RIF1: variants seen among roughly 807,000 people sequenced by gnomAD.
RIF1 encodes the protein telomere-associated protein RIF1.
A neutral mutation model predicts 247.1 loss-of-function variants in RIF1; 45 were observed. The observed-to-expected ratio is 0.18, with a 90% CI of 0.14 to 0.23. RIF1 has a LOEUF of 0.23. Among genes scored for constraint, RIF1 ranks in the 10% least tolerant of loss-of-function variants. The pLI is 1.00. For synonymous variants in RIF1, 1,087 were observed against 978.8 expected, an observed-to-expected ratio of 1.11 and a Z score of -2.06; for missense variants, 2,967 against 2,862.5, an observed-to-expected ratio of 1.04 and a Z score of -0.83.
At chr2:151,410,338 C>A in intron 1 of RIF1, 76 bp from the exon 2 acceptor site, 2 of 1,181,836 alleles carry the variant, frequency 1.7e-6, no homozygotes, top group Non-Finnish European at 2.5e-6. Context: ...GGTGTGAGGG[C>A]CGGACTCACA....
chr2:151,519,040 A>G, the RIF1 span: 3 of 1,613,472 alleles, frequency 1.9e-6, no homozygotes, highest in Non-Finnish European at 2.5e-6. Context: ...CGGGTTTGTG[A>G]AGTTTCTTCA....
the RIF1 span, chr2:151,529,316 T>G: frequency 6.3e-7 from 1 of 1,585,202 alleles, no homozygotes; most frequent in Non-Finnish European, 8.7e-7. Flanking sequence ...GTATTTCAGC[T>G]GTGGGAGGAA....
Position 151,465,134 on chromosome 2 carries a change from G to A in RIF1, c.5614G>A (p.Val1872Ile). Residue 1872 changes from valine to isoleucine, a missense_variant, in exon 30 of 36, where the codon GTT becomes ATT. This residue lies in a region of RIF1 where 2,028 missense variants were observed against 1,825.6 expected (regional missense o/e 1.11). Transcript: ENST00000444746. ...CCCGTGTTTAGGAGACTCGAAAAAT[G>A]TTTCACAGGAATCTTTGGAGACAAA... ...VGPCLGDSKN[V>I]SQESLETKEE... is the part of the protein sequence containing the mutation. 6.2e-7 allele frequency: 1 copy of A among 1,612,174 alleles called. No homozygotes were observed. The highest frequency in any genetic ancestry group is 2.2e-5 in the East Asian group (1 of 44,852).
At position 151,435,695 on chromosome 2, in the gene RIF1, G is replaced by A. The variant is rs992678648; in HGVS notation, c.1195+115G>A. 3.2e-4 allele frequency: 187 copies of A among 575,628 alleles called. 2 individuals carry two copies. The highest frequency in any genetic ancestry group is 1.0e-3 in the Admixed American group (40 of 39,120). 35.7% of individuals were successfully genotyped at this position (575,628 alleles called of 1,614,324 possible). On this transcript the variant is annotated intron_variant, in intron 11 of 35. Transcript: ENST00000444746. ...TGAGAGGTTTTGCTCAGTGTTTTTC[G>A]TTTGAAATGAAGCACTTCATAATTT... is the stretch of plus-strand genomic sequence containing the variant.
the RIF1 span, among the ~76,000 whole-genome samples, chr2:151,530,019 A>G: frequency 5.9e-5 from 9 of 152,264 alleles, no homozygotes; most frequent in Non-Finnish European, 1.2e-4. Context: ...GTGCTCCGGC[A>G]GTTATAGCTA....
chr2:151,527,343 C>G, the RIF1 span: 2 of 770,522 alleles, frequency 2.6e-6, no homozygotes, highest in Non-Finnish European at 4.1e-6. Context: ...TATCGCTCCC[C>G]CAACCATCCT....
At chr2:151,507,892 G>T (rs1246474690) in exon 14 of RIF1, 3 of 709,792 alleles carry the variant, frequency 4.2e-6, no homozygotes, top group Non-Finnish European at 7.5e-6. Flanking sequence ...GGCAGGATGG[G>T]AGTTGTGGAG....
chr2:151,412,033 C>T (rs1686329050), intron 3 of RIF1, among the ~76,000 whole-genome samples: 1 of 152,204 alleles, frequency 6.6e-6, no homozygotes, highest in Non-Finnish European at 1.5e-5. Flanking sequence ...TCTAAAATTA[C>T]AATTGTCTTT....
In RIF1 at chr2:151,480,794, TA is replaced by T. The variant is rs2049135589; in HGVS notation, c.*5727del. ...TTATTTTTATAGAATAGGAAGTTTC[TA>T]AAAGAAAACAATTAAGAGCAAAATT... On this transcript the variant is annotated 3_prime_UTR_variant, in exon 36 of 36. Transcript: ENST00000444746. 1 of 152,168 alleles carries T rather than the reference TA, an allele frequency of 6.6e-6. No individual in the cohort carries two copies. The highest frequency in any genetic ancestry group is 1.5e-5 in the Non-Finnish European group (1 of 68,018). The allele number at this position is 152,168 out of a possible 1,614,324, so 9.4% of individuals were successfully genotyped here. A position where few individuals can be genotyped will look rare whatever the true frequency, so the allele number is the denominator to read the frequency against.
chr2:151,457,860 A>G lies in RIF1; in HGVS notation c.2752A>G (p.Ile918Val), dbSNP rs1695465223. ...LLEQLSPLLC[I>V]IFLHKNKQIR... is the part of the protein sequence containing the mutation. ...TGAACAACTCTCCCCACTATTATGC[A>G]TAATATTTCTGCACAAGAATAAACA... Residue 918 changes from isoleucine to valine, a missense_variant, in exon 24 of 36, where the codon ATA becomes GTA. Ile to Val is a conservative substitution (Grantham distance 29, BLOSUM62 3). Transcript: ENST00000444746. 3 of 1,613,812 alleles carry G rather than the reference A, an allele frequency of 1.9e-6. No individual in the cohort carries two copies. Among genetic ancestry groups the G allele is most frequent in the East Asian group, 2.2e-5 (1 of 44,806 alleles).
chr2:151,469,678 A>G (rs769987610), intron 33 of RIF1, 33 bp from the exon 34 acceptor site: 11 of 1,435,844 alleles, frequency 7.7e-6, no homozygotes, highest in East Asian at 2.5e-5. Flanking sequence ...ATAAAACTAT[A>G]TAATTATAAT....
chr2:151,472,801 A>G (rs140744661), intron 34 of RIF1, among the ~76,000 whole-genome samples: 2,163 of 152,264 alleles, frequency 0.014, 61 homozygotes, highest in African/African-American at 0.049. Flanking sequence ...TTTTGCATCA[A>G]TGTTCATCAA....
At chr2:151,505,662 TA>T (rs1048148463) in intron 12 of RIF1, 1 of 1,039,992 alleles carries the variant, frequency 9.6e-7, no homozygotes, top group Non-Finnish European at 1.5e-6. Context: ...GCCCCCAAAT[TA>T]AAAAAATTAA....
downstream of RIF1, among the ~76,000 whole-genome samples, chr2:151,483,912 A>C (rs1172142557): frequency 6.6e-6 from 1 of 152,208 alleles, no homozygotes; most frequent in Non-Finnish European, 1.5e-5. Context: ...TTCGTTCCCC[A>C]CTGTGTGGAA....
rs553599620 is a variant in RIF1 at position 151,464,211 on chromosome 2, C to A, written c.4691C>A (p.Ser1564Tyr). ...SDSSEAKEEG[S>Y]RKKRSGKWKN... Reference sequence around the variant, plus strand: ...AGTTCGGAGGCAAAAGAAGAAGGTTCTAGGAAGAAGAGATCTGGAAAATGG... The same window carrying A: ...AGTTCGGAGGCAAAAGAAGAAGGTTATAGGAAGAAGAGATCTGGAAAATGG... The change falls in exon 30 of 36, where the codon TCT becomes TAT. Residue 1564 changes from serine to tyrosine, a missense_variant. This residue lies in a region of RIF1 where 2,028 missense variants were observed against 1,825.6 expected (regional missense o/e 1.11). Coordinates refer to ENST00000444746, the MANE Select transcript of RIF1 (RefSeq NM_018151.5). The A allele has an allele frequency of 8.7e-6, 14 of 1,613,352 alleles. No homozygotes were observed. In the African/African-American group the frequency reaches 1.7e-4, roughly 20 times the overall value.
chr2:151,519,520 G>A, the RIF1 span: 1 of 681,024 alleles, frequency 1.5e-6, no homozygotes, highest in South Asian at 2.0e-5. Context: ...GTTTCTGTTG[G>A]TATGAAAACA....
At chr2:151,498,465 A>G in intron 10 of RIF1, 1 of 699,132 alleles carries the variant, frequency 1.4e-6, no homozygotes, top group Non-Finnish European at 2.4e-6. Context: ...AGAGGAAGAG[A>G]AATACCAGAA....
intron 15 of RIF1, among the ~76,000 whole-genome samples, chr2:151,440,526 C>CTT (rs372584902): frequency 1.4e-5 from 2 of 148,030 alleles, no homozygotes; most frequent in Non-Finnish European, 3.0e-5. Context: ...ATTAAAACCC[C>CTT]TTTTTTTTTT....
chr2:151,503,305 T>C (rs1029807611), intron 12 of RIF1: 2 of 1,435,654 alleles, frequency 1.4e-6, no homozygotes, highest in African/African-American at 1.4e-5. Context: ...TTGTGGTAAA[T>C]TTTTTATGGG....
Sources: allele counts gnomAD v4.1 joint callset (sites outside exome capture counted in the v4.1 genomes callset), GRCh38; gene constraint gnomAD v4.1.1; regional missense constraint gnomAD v4.1.1; transcripts MANE v1.5; gene names NCBI Gene and HGNC (gene_info 2026-07-23, HGNC 2026-07-21).